The following POLR1C variants were observed in gnomAD, a reference collection of about 807,000 sequenced individuals.
POLR1C encodes the protein RNA polymerase I and III subunit C, also known as DNA-directed RNA polymerases I and III subunit RPAC1.
In POLR1C, 42 loss-of-function variants were observed where a neutral mutation model predicts 38.3. The observed-to-expected ratio is 1.10, with a 90% CI of 0.86 to 1.42. The LOEUF is 1.42. Among genes scored for constraint, POLR1C ranks in the 40% most tolerant of loss-of-function variants. The probability of loss-of-function intolerance (pLI) is 0.00; values close to 1 mark genes in which losing one functional copy is unlikely to be tolerated. For missense variants in POLR1C, 507 were observed against 450.5 expected, an observed-to-expected ratio of 1.13 and a Z score of -1.14; for synonymous variants, 163 against 163.9, an observed-to-expected ratio of 0.99 and a Z score of 0.04.
chr6:43,533,771 C>A (rs1326621003), downstream of POLR1C: 5 of 507,154 alleles, frequency 9.9e-6, no homozygotes, highest in Admixed American at 3.4e-5. Flanking sequence ...AGAGTTTGAG[C>A]CTACAGTGAG....
chr6:43,549,261 A>C (rs1389774593), intron 9 of POLR1C, among the ~76,000 whole-genome samples: 1 of 152,090 alleles, frequency 6.6e-6, no homozygotes, highest in African/African-American at 2.4e-5. Context: ...ACCGGACTTC[A>C]CCATGTTGTC....
At chr6:43,517,847 T>G (rs1026206397) in intron 2 of POLR1C, among the ~76,000 whole-genome samples, 2 of 152,230 alleles carry the variant, frequency 1.3e-5, no homozygotes, top group African/African-American at 4.8e-5. Flanking sequence ...ATTGTTTCAC[T>G]TAGCTTAAAA....
intron 9 of POLR1C, chr6:43,549,518 T>C (rs530175692): frequency 1.2e-6 from 2 of 1,613,238 alleles, no homozygotes; most frequent in Admixed American, 1.7e-5. Flanking sequence ...TCACGACACA[T>C]CTTGATGATG....
At chr6:43,551,602 G>T in intron 10 of POLR1C, 1 of 967,134 alleles carries the variant, frequency 1.0e-6, no homozygotes, top group Non-Finnish European at 1.5e-6. Flanking sequence ...ATCACTCACT[G>T]TAACCTCAAA....
chr6:43,519,053 A>G (rs907977224), intron 2 of POLR1C: 8 of 473,410 alleles, frequency 1.7e-5, no homozygotes, highest in Admixed American at 3.4e-5. Context: ...CAACAAAACT[A>G]AGCACTATGG....
rs573342296 is a variant in POLR1C, at chr6:43,535,170, T to C, written c.*4+5811T>C. Among the ~76,000 whole-genome samples, 6 of 147,552 alleles carry C rather than the reference T, an allele frequency of 4.1e-5. 1 individual carries two copies. The South Asian group carries it at 1.3e-3, about 32-fold the overall frequency. On this transcript the variant is annotated intron_variant, in intron 9 of 10. Transcript: ENST00000607635. ...AGCCGGACGTGGTGGTGGGTGCCTG[T>C]GGTCCCAGCTACTCGGGAGGCTGAG...
In POLR1C at chr6:43,549,941, G is replaced by C. The variant is rs189287613; in HGVS notation, c.*5-1027G>C. The stretch of plus-strand genomic sequence containing the variant: ...AAGTGACAGATGAAAATAGCTAAGG[G>C]AGAGGAGGAAAAAAGGTCACTCATG... On this transcript the variant is annotated intron_variant, in intron 9 of 10. Coordinates refer to the POLR1C transcript ENST00000607635. 115 of 1,611,920 alleles carry C rather than the reference G, an allele frequency of 7.1e-5. No homozygotes were observed. The East Asian group carries it at 2.5e-3, about 36-fold the overall frequency.
chr6:43,521,401 T>C lies in POLR1C; in HGVS notation c.*101T>C. ...CCAGTGTGACTAGGGATCCTGAGTT[T>C]TCTGGGACAATTCCAGCTTTAATCA... On this transcript the variant is annotated 3_prime_UTR_variant, in exon 9 of 9. Coordinates refer to ENST00000642195, the MANE Select transcript of POLR1C (RefSeq NM_203290.4). The C allele has an allele frequency of 6.3e-7, 1 of 1,598,094 alleles. No homozygotes were observed.
intron 9 of POLR1C, among the ~76,000 whole-genome samples, chr6:43,541,104 G>A (rs1195007472): frequency 6.6e-6 from 1 of 152,122 alleles, no homozygotes; most frequent in Non-Finnish European, 1.5e-5. Context: ...GAGGGGCTGG[G>A]GAGGGTAGTG....
chr6:43,551,600 C>G, intron 10 of POLR1C: 1 of 978,576 alleles, frequency 1.0e-6, no homozygotes, highest in East Asian at 2.5e-5. Context: ...TCATCACTCA[C>G]TGTAACCTCA....
chr6:43,548,547 C>A, intron 9 of POLR1C: 2 of 1,209,094 alleles, frequency 1.7e-6, no homozygotes, highest in South Asian at 2.0e-5. Context: ...AAGAAGAAAA[C>A]CAAAGCAGTC....
chr6:43,552,075 G>T (rs758400231), intron 10 of POLR1C, among the ~76,000 whole-genome samples: 1 of 152,116 alleles, frequency 6.6e-6, no homozygotes. Context: ...ATATTTATCA[G>T]CTACTTTATT....
downstream of POLR1C, chr6:43,530,832 G>C (rs754345399): frequency 6.2e-7 from 1 of 1,603,594 alleles, no homozygotes; most frequent in Non-Finnish European, 8.5e-7. Flanking sequence ...AAACTGTAAA[G>C]GGGAAAAAAA....
Position 43,520,961 on chromosome 6 carries a change from C to T in POLR1C, c.835C>T (p.Arg279Trp), listed in dbSNP as rs141156009. ...GKKVARVANP[R>W]LDTFSREIFR... ...AAAGGTGGCCAGAGTTGCCAACCCCCGGCTGGATACCTTCAGCAGAGAAAT... is the reference window on the plus strand; with the variant it reads ...AAAGGTGGCCAGAGTTGCCAACCCCTGGCTGGATACCTTCAGCAGAGAAAT... Residue 279 changes from arginine to tryptophan, a missense_variant, in exon 8 of 9, where the codon CGG (arginine) becomes TGG (tryptophan). Transcript: ENST00000642195. 4.2e-5 allele frequency: 68 copies of T among 1,614,048 alleles called. No individual in the cohort carries two copies. In the Middle Eastern group the frequency reaches 4.9e-4, roughly 12 times the overall value.
chr6:43,521,837 G>A (rs1206952861), downstream of POLR1C, among the ~76,000 whole-genome samples: 4 of 152,262 alleles, frequency 2.6e-5, no homozygotes, highest in East Asian at 7.7e-4. Context: ...AAAACAGGGG[G>A]CCTCACTTCA....
intron 2 of POLR1C, 53 bp downstream of exon 2, chr6:43,517,430 T>TC: frequency 6.8e-7 from 1 of 1,474,834 alleles, no homozygotes; most frequent in Non-Finnish European, 9.5e-7. Context: ...GACCTTGTGG[T>TC]CTGAGCAGCC....
At chr6:43,528,245 A>G in intron 8 of POLR1C, 1 of 1,553,562 alleles carries the variant, frequency 6.4e-7, no homozygotes, top group Non-Finnish European at 8.7e-7. Flanking sequence ...GAATTGGGGA[A>G]AGGATTGGAA....
intron 10 of POLR1C, among the ~76,000 whole-genome samples, chr6:43,559,820 TTA>T (rs1762311313): frequency 6.6e-6 from 1 of 152,196 alleles, no homozygotes; most frequent in Non-Finnish European, 1.5e-5. Flanking sequence ...TCAGTCTTTT[TTA>T]TGTTTCCCCC....
intron 10 of POLR1C, among the ~76,000 whole-genome samples, chr6:43,557,611 T>C (rs1762167561): frequency 6.6e-6 from 1 of 151,250 alleles, no homozygotes; most frequent in Non-Finnish European, 1.5e-5. Context: ...GATGAGGGAA[T>C]TGGGGGATGA....
Sources: gnomAD v4.1 joint callset for allele counts (sites outside exome capture counted in the v4.1 genomes callset) on GRCh38, gnomAD v4.1.1 for gene constraint, MANE v1.5 for transcripts, NCBI Gene and HGNC (gene_info 2026-07-23, HGNC 2026-07-21) for gene names.